The following CUBN variants were observed in gnomAD, a reference collection of about 807,000 sequenced individuals.
CUBN encodes 460 kDa receptor.
In CUBN, 282 loss-of-function variants were observed where a neutral mutation model predicts 405.3. The ratio of observed to expected loss-of-function variants is 0.70; its 90% CI spans 0.63 to 0.77. The LOEUF (loss-of-function observed/expected upper bound fraction) is 0.77. Among genes scored for constraint, CUBN ranks in the 30% least tolerant of loss-of-function variants. The pLI is 0.00. For synonymous variants in CUBN, 1,684 were observed against 1,617.0 expected (o/e 1.04, Z -0.99); for missense variants, 4,514 against 4,475.2 (o/e 1.01, Z -0.25).
rs186604664 is a variant in CUBN, at chr10:16,900,607, A to G, written c.8410+18T>C. 180 of 1,561,320 alleles carry G rather than the reference A, an allele frequency of 1.2e-4. No homozygotes were observed. In the African/African-American group the frequency reaches 2.1e-3, roughly 18 times the overall value. On this transcript the variant is annotated intron_variant, in intron 53 of 66. Transcript: ENST00000377833. ...CATCACTAAAAAGAAAATCAAATGG[A>G]GCAAACATTTCTTTTACCTAAAGTT... is the stretch of plus-strand genomic sequence containing the variant.
intron 28 of CUBN, among the ~76,000 whole-genome samples, chr10:16,998,363 G>A (rs544579157): frequency 1.8e-4 from 27 of 152,278 alleles, no homozygotes; most frequent in African/African-American, 6.0e-4. Flanking sequence ...TGTGGATAGA[G>A]GCAGAAATTG....
At chr10:17,095,616 G>T (rs1266512058) in intron 14 of CUBN, among the ~76,000 whole-genome samples, 1 of 152,030 alleles carries the variant, frequency 6.6e-6, no homozygotes, top group Non-Finnish European at 1.5e-5. Flanking sequence ...AAGTATTGAT[G>T]AGATGTGGAG....
intron 65 of CUBN, among the ~76,000 whole-genome samples, chr10:16,829,938 T>TTG (rs1554779191): frequency 2.0e-5 from 3 of 147,484 alleles, no homozygotes; most frequent in African/African-American, 7.6e-5. Flanking sequence ...GTTTTTTTTG[T>TTG]TTTGTTTTTT....
At chr10:17,055,628 C>T (rs1207982509) in intron 22 of CUBN, among the ~76,000 whole-genome samples, 2 of 151,862 alleles carry the variant, frequency 1.3e-5, no homozygotes, top group Non-Finnish European at 2.9e-5. Context: ...AGCCAAACAA[C>T]CAGAAAGTAA....
At chr10:16,920,490 T>G (rs1842005122) in intron 43 of CUBN, among the ~76,000 whole-genome samples, 1 of 152,184 alleles carries the variant, frequency 6.6e-6, no homozygotes, top group African/African-American at 2.4e-5. Context: ...CAGTTACAGC[T>G]TCCCACTGAG....
chr10:17,015,007 T>C (rs1188571503), intron 28 of CUBN, among the ~76,000 whole-genome samples: 1 of 152,206 alleles, frequency 6.6e-6, no homozygotes, highest in Non-Finnish European at 1.5e-5. Flanking sequence ...CAACTGGACA[T>C]AGAGGAACCA....
chr10:16,976,824 C>A (rs1321463952), intron 31 of CUBN, among the ~76,000 whole-genome samples: 3 of 152,114 alleles, frequency 2.0e-5, no homozygotes, highest in Non-Finnish European at 4.4e-5. Context: ...CTATTTATCT[C>A]TTCATCTCTG....
chr10:16,938,842 T>C, intron 38 of CUBN, 121 bp downstream of exon 38: 1 of 856,994 alleles, frequency 1.2e-6, no homozygotes, highest in Non-Finnish European at 1.9e-6. Context: ...GCTCTAAACA[T>C]GATTTAGAGC....
chr10:16,962,046 T>C (rs1332760613), intron 31 of CUBN, among the ~76,000 whole-genome samples: 2 of 152,166 alleles, frequency 1.3e-5, no homozygotes, highest in African/African-American at 4.8e-5. Flanking sequence ...AATATCTTCA[T>C]AGGCTCTCAG....
Position 16,934,194 on chromosome 10 carries a change from T to G in CUBN, c.5927-910A>C, listed in dbSNP as rs111462012. Among the ~76,000 whole-genome samples, 1,085 of 152,314 alleles carry G rather than the reference T, an allele frequency of 7.1e-3. 14 individuals carry two copies. The highest frequency in any genetic ancestry group is 0.025 in the African/African-American group (1,038 of 41,574). Reference sequence around the variant, plus strand: ...GAATGCCACAAAAATGACTCTTACTTAGATTCAGTGATTTTTCTTGAATAA... The same window carrying G: ...GAATGCCACAAAAATGACTCTTACTGAGATTCAGTGATTTTTCTTGAATAA... On this transcript the variant is annotated intron_variant, in intron 39 of 66. Coordinates refer to ENST00000377833, the MANE Select transcript of CUBN (RefSeq NM_001081.4).
Position 16,851,501 on chromosome 10 carries a change from C to T in CUBN, c.9455-58G>A, listed in dbSNP as rs983633837. The stretch of plus-strand genomic sequence containing the variant: ...CAAACAGAACCGACCTTACATTGTA[C>T]ATGGAGGGTTTTTAAAAAGAACATA... On this transcript the variant is annotated intron_variant, in intron 59 of 66. Transcript: ENST00000377833. 7 of 1,448,234 alleles carry T rather than the reference C, an allele frequency of 4.8e-6. No homozygotes were observed. The Admixed American group carries it at 1.2e-4, about 24-fold the overall frequency. 89.7% of individuals were successfully genotyped at this position (1,448,234 alleles called of 1,614,324 possible).
intron 60 of CUBN, among the ~76,000 whole-genome samples, chr10:16,844,834 T>C (rs1839467752): frequency 6.6e-6 from 1 of 152,106 alleles, no homozygotes; most frequent in African/African-American, 2.4e-5. Flanking sequence ...CCCTATCCAA[T>C]GATGAGGAGG....
intron 27 of CUBN, among the ~76,000 whole-genome samples, chr10:17,032,161 G>A (rs1834801203): frequency 6.6e-6 from 1 of 152,198 alleles, no homozygotes; most frequent in Admixed American, 6.5e-5. Flanking sequence ...GTGTAAGGGT[G>A]AGAAACCATT....
chr10:16,968,951 T>G (rs1289600031), intron 31 of CUBN, among the ~76,000 whole-genome samples: 1 of 152,242 alleles, frequency 6.6e-6, no homozygotes, highest in Non-Finnish European at 1.5e-5. Context: ...TTACCAAATG[T>G]GTTGAAACCT....
chr10:17,028,458 C>T (rs55771155), intron 27 of CUBN, among the ~76,000 whole-genome samples: 14,513 of 151,834 alleles, frequency 0.096, 957 homozygotes, highest in Non-Finnish European at 0.15. Context: ...CGATGGTTCA[C>T]GCCTGTAATC....
rs1416632954 is a variant in CUBN at position 16,874,518 on chromosome 10, A to G, written c.9107-15T>C. On this transcript the variant is annotated splice_polypyrimidine_tract_variant and intron_variant, in intron 57 of 66. Transcript: ENST00000377833. ...ACCACCACAGGCTGCAACAGAAGACAAGGGAATATGAAGAGAACAACGATT... is the reference window on the plus strand; with the variant it reads ...ACCACCACAGGCTGCAACAGAAGACGAGGGAATATGAAGAGAACAACGATT... The G allele has an allele frequency of 1.2e-6, 2 of 1,614,104 alleles. No homozygotes were observed. The highest frequency in any genetic ancestry group is 1.7e-6 in the Non-Finnish European group (2 of 1,179,952).
chr10:16,909,106 C>T (rs956977961), intron 48 of CUBN, among the ~76,000 whole-genome samples: 7 of 151,146 alleles, frequency 4.6e-5, no homozygotes, highest in Admixed American at 6.6e-5. Flanking sequence ...AGGATGGTCT[C>T]GATCTCCTGA....
At chr10:16,979,422 C>T (rs773889743) in intron 31 of CUBN, among the ~76,000 whole-genome samples, 6 of 152,098 alleles carry the variant, frequency 3.9e-5, no homozygotes, top group African/African-American at 7.2e-5. Context: ...GGAGACATAA[C>T]GTTACCTGAC....
chr10:17,104,864 A>T (rs906196626), intron 11 of CUBN, among the ~76,000 whole-genome samples: 4 of 146,342 alleles, frequency 2.7e-5, no homozygotes, highest in Non-Finnish European at 5.9e-5. Flanking sequence ...GCTGGAGTGC[A>T]GTGGTGCAAT....
Sources: gnomAD v4.1 joint callset for allele counts (sites outside exome capture counted in the v4.1 genomes callset) on GRCh38, gnomAD v4.1.1 for gene constraint, MANE v1.5 for transcripts, NCBI Gene and HGNC (gene_info 2026-07-23, HGNC 2026-07-21) for gene names.